Variants in SLCO3A1 observed in about 807,000 individuals in gnomAD.
SLCO3A1 encodes the protein PGE1 transporter.
Under a neutral mutation model 63.1 loss-of-function variants are expected in SLCO3A1, and 27 were observed. That is an observed-to-expected ratio of 0.43 (90% CI 0.32 to 0.59). SLCO3A1 has a LOEUF of 0.59. Among genes scored for constraint, SLCO3A1 ranks in the 20% least tolerant of loss-of-function variants. The pLI, the probability that SLCO3A1 is intolerant of heterozygous loss-of-function variation, is 0.09. For synonymous variants in SLCO3A1, 473 were observed against 409.9 expected, an observed-to-expected ratio of 1.15 and a Z score of -1.86; for missense variants, 773 against 945.8, an observed-to-expected ratio of 0.82 and a Z score of 2.40.
intron 2 of SLCO3A1, among the ~76,000 whole-genome samples, chr15:92,062,127 C>G (rs747189544): frequency 2.6e-5 from 4 of 152,204 alleles, no homozygotes; most frequent in Non-Finnish European, 5.9e-5. Context: ...CTGAGGAAGA[C>G]CTGAGTGTTA....
intron 2 of SLCO3A1, among the ~76,000 whole-genome samples, chr15:91,981,514 C>T (rs926280995): frequency 2.6e-5 from 4 of 152,186 alleles, no homozygotes; most frequent in Admixed American, 2.6e-4. Context: ...TTCTTCCCAT[C>T]CTGCAGAGTG....
intron 2 of SLCO3A1, among the ~76,000 whole-genome samples, chr15:91,960,537 C>T (rs1340944237): frequency 2.6e-5 from 4 of 152,164 alleles, no homozygotes; most frequent in African/African-American, 4.8e-5. Context: ...TGTCCCAGAT[C>T]GTCCTGTAGC....
intron 1 of SLCO3A1, among the ~76,000 whole-genome samples, chr15:91,902,316 C>T (rs1242750884): frequency 6.6e-6 from 1 of 152,034 alleles, no homozygotes; most frequent in South Asian, 2.1e-4. Context: ...CCCACCCCAG[C>T]CTCCTGAGCA....
intron 1 of SLCO3A1, among the ~76,000 whole-genome samples, chr15:91,906,555 G>A (rs973737085): frequency 3.3e-5 from 5 of 152,326 alleles, no homozygotes; most frequent in African/African-American, 7.2e-5. Context: ...ATATAGCAGC[G>A]TGTGTGTGTG....
At chr15:92,120,769 C>A in intron 5 of SLCO3A1, 140 bp downstream of exon 5, 1 of 679,046 alleles carries the variant, frequency 1.5e-6, no homozygotes, top group Non-Finnish European at 2.5e-6. Context: ...CCTCTGTGCA[C>A]AAGGAATTTA....
chr15:92,133,973 C>T (rs1284604512), intron 7 of SLCO3A1, among the ~76,000 whole-genome samples: 1 of 152,192 alleles, frequency 6.6e-6, no homozygotes, highest in African/African-American at 2.4e-5. Context: ...AGCGTGTCTG[C>T]CCTGAAGATA....
intron 4 of SLCO3A1, among the ~76,000 whole-genome samples, chr15:92,116,136 G>T (rs1045387265): frequency 5.3e-5 from 8 of 152,234 alleles, no homozygotes; most frequent in African/African-American, 1.7e-4. Flanking sequence ...GTAAATGGGG[G>T]ATTTAATAGT....
chr15:92,016,234 TAGATAGATAGATAGATA>T (rs2046427953), intron 2 of SLCO3A1, among the ~76,000 whole-genome samples: 2 of 52,666 alleles, frequency 3.8e-5, no homozygotes, highest in Admixed American at 4.6e-4. Flanking sequence ...GATAGATAGA[TAGATAGATAGATAGATA>T]GATTAGATAG....
In SLCO3A1 at chr15:91,865,375, T is replaced by G. The variant is rs1370946399; in HGVS notation, c.180+11287T>G. Among the ~76,000 whole-genome samples the G allele has an allele frequency of 1.3e-5, 2 of 152,148 alleles. No individual in the cohort carries two copies. The highest frequency in any genetic ancestry group is 1.9e-4 in the East Asian group (1 of 5,188). ...ATCTGTTGGTGAGGTGGACATGGGC[T>G]TGGAGGGGAGAGGGTGGATGAGATG... On this transcript the variant is annotated intron_variant, in intron 1 of 9. Transcript: ENST00000318445. The surrounding 1 kb of genome is among the most constrained non-coding windows in gnomAD (Gnocchi z 4.6).
chr15:91,947,461 A>G (rs1732888910), intron 2 of SLCO3A1, among the ~76,000 whole-genome samples: 1 of 151,824 alleles, frequency 6.6e-6, no homozygotes, highest in African/African-American at 2.4e-5. Context: ...GACAAGCTAT[A>G]CTCCTTCTTC....
chr15:92,068,484 C>T (rs2047177639), intron 2 of SLCO3A1, among the ~76,000 whole-genome samples: 1 of 152,210 alleles, frequency 6.6e-6, no homozygotes, highest in African/African-American at 2.4e-5. Flanking sequence ...CATGAGCTTC[C>T]TCTGGCCACT....
chr15:91,979,097 C>T (rs1452358713), intron 2 of SLCO3A1, among the ~76,000 whole-genome samples: 1 of 152,176 alleles, frequency 6.6e-6, no homozygotes, highest in African/African-American at 2.4e-5. Context: ...AAAAAGGGGA[C>T]ATAATGCAGT....
intron 2 of SLCO3A1, among the ~76,000 whole-genome samples, chr15:91,926,837 T>C (rs1328411673): frequency 1.3e-5 from 2 of 152,038 alleles, no homozygotes; most frequent in African/African-American, 4.8e-5. Flanking sequence ...GATTTACGTG[T>C]ATATGTACCC....
chr15:92,073,553 G>C (rs531325754), intron 2 of SLCO3A1, among the ~76,000 whole-genome samples: 3 of 152,328 alleles, frequency 2.0e-5, no homozygotes, highest in South Asian at 2.1e-4. Context: ...ATATTAAACA[G>C]ATCCCAGTGA....
chr15:91,994,079 C>T (rs2046160828), intron 2 of SLCO3A1, among the ~76,000 whole-genome samples: 1 of 152,226 alleles, frequency 6.6e-6, no homozygotes, highest in Non-Finnish European at 1.5e-5. Context: ...AATTCCTGAC[C>T]TATAAAATTT....
intron 2 of SLCO3A1, among the ~76,000 whole-genome samples, chr15:92,059,292 G>A (rs143706862): frequency 1.3e-5 from 2 of 152,328 alleles, no homozygotes; most frequent in African/African-American, 2.4e-5. Context: ...AGAAGCTGTC[G>A]GGTGCCCTGT....
chr15:91,985,680 C>T (rs2046043087), intron 2 of SLCO3A1, among the ~76,000 whole-genome samples: 1 of 152,116 alleles, frequency 6.6e-6, no homozygotes, highest in African/African-American at 2.4e-5. Context: ...CAATGGGGTC[C>T]CTCAGGCCCT....
chr15:91,948,792 A>G lies in SLCO3A1; in HGVS notation c.646+32334A>G, dbSNP rs1287116593. Among the ~76,000 whole-genome samples, 2 of 152,154 alleles carry G rather than the reference A, an allele frequency of 1.3e-5. No individual in the cohort carries two copies. Among genetic ancestry groups the G allele is most frequent in the African/African-American group, 4.8e-5 (2 of 41,438 alleles). ...TCCTTTGGGTCCTGTATCCTGACTA[A>G]TGACCCCAAAGATATTCTGGGTGGC... On this transcript the variant is annotated intron_variant, in intron 2 of 9. Coordinates refer to ENST00000318445, the MANE Select transcript of SLCO3A1 (RefSeq NM_013272.4). This position sits in a 1 kb window ranked among gnomAD's most constrained non-coding sequence, Gnocchi z 4.8.
At chr15:92,003,075 C>T (rs1446002539) in intron 2 of SLCO3A1, among the ~76,000 whole-genome samples, 1 of 152,160 alleles carries the variant, frequency 6.6e-6, no homozygotes, top group Non-Finnish European at 1.5e-5. Context: ...CCCCTGTGAA[C>T]CCTGTGTACC....
Sources: gnomAD v4.1 joint callset for allele counts (sites outside exome capture counted in the v4.1 genomes callset) on GRCh38, gnomAD v4.1.1 for gene constraint, Gnocchi (gnomAD v3.1) non-coding constraint, MANE v1.5 for transcripts, NCBI Gene and HGNC (gene_info 2026-07-23, HGNC 2026-07-21) for gene names.